FCHSD2: variants seen among roughly 807,000 people sequenced by gnomAD.
FCHSD2 encodes F-BAR and double SH3 domains protein 2.
Under a neutral mutation model 108.1 loss-of-function variants are expected in FCHSD2, and 38 were observed. That is an observed-to-expected ratio of 0.35 (90% CI 0.27 to 0.46). The LOEUF (loss-of-function observed/expected upper bound fraction) is 0.46, where lower values mean the gene tolerates loss of function less well. Ranked by LOEUF, FCHSD2 falls within the 20% of genes least tolerant of loss-of-function variation. FCHSD2 has a pLI of 1.00. For missense variants in FCHSD2, 751 were observed against 897.8 expected, an observed-to-expected ratio of 0.84 and a Z score of 2.09; for synonymous variants, 279 against 314.7, an observed-to-expected ratio of 0.89 and a Z score of 1.20.
intron 3 of FCHSD2, among the ~76,000 whole-genome samples, chr11:73,052,546 A>G (rs1387248755): frequency 6.6e-6 from 1 of 152,220 alleles, no homozygotes; most frequent in East Asian, 1.9e-4. Flanking sequence ...CTAATTGTAC[A>G]CTACTGTTAC....
chr11:72,979,816 T>C (rs1281645835), intron 8 of FCHSD2, among the ~76,000 whole-genome samples: 3 of 151,964 alleles, frequency 2.0e-5, no homozygotes, highest in Admixed American at 6.5e-5. Flanking sequence ...CAAAGACATA[T>C]AGGAAGATCT....
chr11:72,980,258 A>G (rs1384966851), intron 8 of FCHSD2, among the ~76,000 whole-genome samples: 1 of 152,234 alleles, frequency 6.6e-6, no homozygotes, highest in Non-Finnish European at 1.5e-5. Context: ...AAAGTTAACT[A>G]GGGAAAAGAC....
chr11:72,916,300 CTTTTTTTTTTT>C (rs889180267), intron 9 of FCHSD2, among the ~76,000 whole-genome samples: 4 of 120,250 alleles, frequency 3.3e-5, no homozygotes, highest in African/African-American at 9.2e-5. Flanking sequence ...TGGTACACAA[CTTTTTTTTTTT>C]TTTTTTTTTT....
rs1444631152 is a variant in FCHSD2, at chr11:72,870,895, G to A, written c.1147-2869C>T. Among the ~76,000 whole-genome samples the A allele has an allele frequency of 8.1e-4, 28 of 34,426 alleles. 1 individual carries two copies. Among genetic ancestry groups the A allele is most frequent in the South Asian group, 1.8e-3 (1 of 562 alleles). 22.6% of individuals were successfully genotyped at this position (34,426 alleles called of 152,430 possible). A position where few individuals can be genotyped will look rare whatever the true frequency, so the allele number is the denominator to read the frequency against. On this transcript the variant is annotated intron_variant, in intron 12 of 19. Transcript: ENST00000409418. ...AGCCTGGGTGACAGTGCGAGACTCC[G>A]TCTCAAAAAAAAAAAAAAAAAAAAA...
At chr11:72,918,715 T>C (rs1025702186) in intron 9 of FCHSD2, among the ~76,000 whole-genome samples, 1 of 152,222 alleles carries the variant, frequency 6.6e-6, no homozygotes, top group East Asian at 1.9e-4. Flanking sequence ...CAAATAAATG[T>C]AGAATAACAT....
intron 2 of FCHSD2, among the ~76,000 whole-genome samples, chr11:73,102,040 G>C (rs750646886): frequency 1.3e-5 from 2 of 152,150 alleles, no homozygotes; most frequent in Non-Finnish European, 2.9e-5. Flanking sequence ...AGGCCATCAG[G>C]CTGAAGACCA....
rs58773322 is a variant in FCHSD2 at position 73,004,109 on chromosome 11, C to CA, written c.243-2976dup. On this transcript the variant is annotated intron_variant, in intron 4 of 19. Coordinates refer to ENST00000409418, the MANE Select transcript of FCHSD2 (RefSeq NM_014824.3). ...GGGCAAGAGAGTAAGACTCCAACTC[C>CA]AAAAAAAAAAAAAAAAAAAAAAAAA... is the stretch of plus-strand genomic sequence containing the variant. Among the ~76,000 whole-genome samples, 62 of 43,074 alleles carry CA rather than the reference C, an allele frequency of 1.4e-3. 3 individuals carry two copies. Among genetic ancestry groups the CA allele is most frequent in the African/African-American group, 5.6e-3 (58 of 10,400 alleles). The allele number at this position is 43,074 out of a possible 152,430, so 28.3% of individuals were successfully genotyped here.
intron 8 of FCHSD2, among the ~76,000 whole-genome samples, chr11:72,936,275 T>G (rs1856299167): frequency 1.3e-5 from 2 of 152,240 alleles, no homozygotes; most frequent in African/African-American, 4.8e-5. Flanking sequence ...GGTGACAGAC[T>G]GGGCTTCTGA....
At chr11:73,029,273 G>C (rs1335705568) in intron 3 of FCHSD2, among the ~76,000 whole-genome samples, 1 of 152,188 alleles carries the variant, frequency 6.6e-6, no homozygotes, top group African/African-American at 2.4e-5. Context: ...CAAATTCTGA[G>C]AATAAGGCAG....
chr11:72,956,043 C>T (rs960596241), intron 8 of FCHSD2, among the ~76,000 whole-genome samples: 4 of 152,066 alleles, frequency 2.6e-5, no homozygotes, highest in African/African-American at 9.7e-5. Flanking sequence ...AAAGAAAGTA[C>T]ATGATAAGCC....
chr11:73,123,729 G>A (rs551464559), intron 2 of FCHSD2, among the ~76,000 whole-genome samples: 56 of 152,300 alleles, frequency 3.7e-4, no homozygotes, highest in African/African-American at 1.3e-3. Flanking sequence ...AGGCTGGAGA[G>A]TATATCACCT....
intron 2 of FCHSD2, among the ~76,000 whole-genome samples, chr11:73,137,913 T>A (rs1861161251): frequency 6.6e-6 from 1 of 152,224 alleles, no homozygotes; most frequent in Non-Finnish European, 1.5e-5. Context: ...ACAAAGTGTT[T>A]GACCTTTATC....
At chr11:72,953,160 A>G (rs1479579587) in intron 8 of FCHSD2, among the ~76,000 whole-genome samples, 1 of 152,242 alleles carries the variant, frequency 6.6e-6, no homozygotes, top group Non-Finnish European at 1.5e-5. Flanking sequence ...TGGATCAGAA[A>G]GAAAAGGTAT....
intron 12 of FCHSD2, among the ~76,000 whole-genome samples, chr11:72,869,194 A>G (rs1854796862): frequency 6.6e-6 from 1 of 152,132 alleles, no homozygotes; most frequent in Admixed American, 6.6e-5. Context: ...GGCATGAGCC[A>G]CCTCACCCAG....
At chr11:73,058,424 A>G (rs570301976) in intron 3 of FCHSD2, among the ~76,000 whole-genome samples, 3 of 152,268 alleles carry the variant, frequency 2.0e-5, no homozygotes, top group Non-Finnish European at 4.4e-5. Context: ...TCAATTATCT[A>G]AACAACAAAC....
At chr11:73,089,369 CT>C (rs1859899454) in intron 2 of FCHSD2, among the ~76,000 whole-genome samples, 1 of 152,222 alleles carries the variant, frequency 6.6e-6, no homozygotes, top group South Asian at 2.1e-4. Flanking sequence ...GGAAAACAAT[CT>C]GGGAATTCCC....
At chr11:73,071,713 A>G (rs891049036) in intron 3 of FCHSD2, among the ~76,000 whole-genome samples, 6 of 151,934 alleles carry the variant, frequency 3.9e-5, no homozygotes, top group Admixed American at 3.9e-4. Flanking sequence ...AAAAAGACAA[A>G]AAAAAGTGTC....
rs1298680928 is a variant in FCHSD2, at chr11:73,041,376, T to A, written c.166-25491A>T. Among the ~76,000 whole-genome samples the A allele has an allele frequency of 2.6e-5, 4 of 152,198 alleles. No individual in the cohort carries two copies. In the East Asian group the frequency reaches 5.8e-4, roughly 22 times the overall value. ...GTATAAGAGTTACCTTTTATCTGCA[T>A]CCTTGCCAACAGTTTTTTGTTGTTG... On this transcript the variant is annotated intron_variant, in intron 3 of 19. Coordinates refer to ENST00000409418, the MANE Select transcript of FCHSD2 (RefSeq NM_014824.3).
Position 72,889,914 on chromosome 11 carries a change from G to A in FCHSD2, c.956C>T (p.Thr319Ile). Residue 319 changes from threonine (T) to isoleucine (I), a missense_variant, in exon 11 of 20, where the codon ACA (threonine) becomes ATA (isoleucine). Coordinates refer to ENST00000409418, the MANE Select transcript of FCHSD2 (RefSeq NM_014824.3). Reference sequence around the variant, plus strand: ...TTCCTTATTTAGACTGTGCTCCTCTGTGGTCCCAGTTTCTGATTCTAACTG... The same window carrying A: ...TTCCTTATTTAGACTGTGCTCCTCTATGGTCCCAGTTTCTGATTCTAACTG... Reference protein sequence around the residue: ...SRQLESETGTTEEHSLNKEAR... With the variant: ...SRQLESETGTIEEHSLNKEAR... The A allele has an allele frequency of 1.2e-6, 2 of 1,612,756 alleles. No individual in the cohort carries two copies. The highest frequency in any genetic ancestry group is 1.7e-6 in the Non-Finnish European group (2 of 1,178,818).
Sources: gnomAD v4.1 joint callset for allele counts (sites outside exome capture counted in the v4.1 genomes callset) on GRCh38, gnomAD v4.1.1 for gene constraint, MANE v1.5 for transcripts, NCBI Gene and HGNC (gene_info 2026-07-23, HGNC 2026-07-21) for gene names.